MORC3: variants seen among roughly 807,000 people sequenced by gnomAD.
MORC3 encodes the protein MORC family CW-type zinc finger 3.
Under a neutral mutation model 109.1 loss-of-function variants are expected in MORC3, and 31 were observed. The observed-to-expected ratio is 0.28, with a 90% CI of 0.21 to 0.38. MORC3 has a LOEUF of 0.38. Ranked by LOEUF, MORC3 falls within the 10% of genes least tolerant of loss-of-function variation. The pLI is 1.00. For synonymous variants in MORC3, 395 were observed against 380.7 expected (o/e 1.04, Z -0.44); for missense variants, 867 against 1,135.8 (o/e 0.76, Z 3.40).
At chr21:36,362,524 CAGA>C (rs1294087441) in intron 13 of MORC3, among the ~76,000 whole-genome samples, 1 of 152,048 alleles carries the variant, frequency 6.6e-6, no homozygotes, top group Non-Finnish European at 1.5e-5. Context: ...GTCTGGGCCA[CAGA>C]GCGAGACTTC....
rs1274628935 is a variant in MORC3 at position 36,364,115 on chromosome 21, G to T, written c.1475G>T (p.Arg492Leu). ...CAGATTAATGCTGAACTGTTGTTTC[G>T]GCCAACTGCTCTTTCAACTCCAAGC... ...IPRINAELLF[R>L]PTALSTPSFS... The change falls in exon 14 of 17, where the codon CGG becomes CTG. Residue 492 changes from arginine to leucine, a missense_variant. Coordinates refer to ENST00000400485, the MANE Select transcript of MORC3 (RefSeq NM_015358.3). 1 of 1,613,856 alleles carries T rather than the reference G, an allele frequency of 6.2e-7. No homozygotes were observed. Among genetic ancestry groups the T allele is most frequent in the Non-Finnish European group, 8.5e-7 (1 of 1,179,952 alleles).
chr21:36,361,258 A>G (rs968627990), intron 12 of MORC3, among the ~76,000 whole-genome samples: 1 of 151,710 alleles, frequency 6.6e-6, no homozygotes, highest in East Asian at 1.9e-4. Flanking sequence ...ATAGAAACCT[A>G]TGTGGGCTGG....
At chr21:36,336,329 GC>G (rs1175906766) in intron 2 of MORC3, among the ~76,000 whole-genome samples, 2 of 152,072 alleles carry the variant, frequency 1.3e-5, no homozygotes, top group Non-Finnish European at 2.9e-5. Context: ...TGCAACCTCT[GC>G]CTCCCAGGCT....
intron 15 of MORC3, among the ~76,000 whole-genome samples, chr21:36,370,669 T>A (rs71330674): frequency 2.4e-5 from 2 of 82,478 alleles, no homozygotes; most frequent in African/African-American, 7.3e-5. Flanking sequence ...TTTTTTTTTT[T>A]TTCTTCTTCT....
intron 1 of MORC3, among the ~76,000 whole-genome samples, chr21:36,321,641 A>G (rs775788992): frequency 6.6e-6 from 1 of 151,174 alleles, no homozygotes; most frequent in Non-Finnish European, 1.5e-5. Flanking sequence ...AGCTTAAGGT[A>G]TTGTAAAGTC....
Position 36,338,765 on chromosome 21 carries a change from A to G in MORC3, c.461-9A>G, listed in dbSNP as rs1289413490. ...TGTTGTCAATCTGAGTCTTTAACTT[A>G]TGATATACGACAGATGATTAATTTA... On this transcript the variant is annotated splice_polypyrimidine_tract_variant and intron_variant, in intron 4 of 16. Transcript: ENST00000400485. 5.6e-6 allele frequency: 9 copies of G among 1,601,386 alleles called. No individual in the cohort carries two copies. In the African/African-American group the frequency reaches 6.7e-5, roughly 12 times the overall value.
At position 36,341,447 on chromosome 21, in the gene MORC3, C is replaced by A. The variant is rs1489581590; in HGVS notation, c.657C>A (p.Ile219=). The change falls in exon 6 of 17, where the codon ATC becomes ATA. Residue 219 remains isoleucine (I), a synonymous_variant. Transcript: ENST00000400485. The part of the protein sequence containing the change: ...EFDFEKDKYD[I]RIPEDLDEIT... ...ATTTTGAAAAGGATAAATATGATAT[C>A]AGAATTCCCGAGGATTTAGATGAGA... is the stretch of plus-strand genomic sequence containing the variant. 3.1e-6 allele frequency: 5 copies of A among 1,612,786 alleles called. No homozygotes were observed. Among genetic ancestry groups the A allele is most frequent in the Non-Finnish European group, 4.2e-6 (5 of 1,179,724 alleles).
chr21:36,351,862 A>G (rs1233837518), intron 9 of MORC3, among the ~76,000 whole-genome samples: 2 of 152,194 alleles, frequency 1.3e-5, no homozygotes, highest in African/African-American at 4.8e-5. Flanking sequence ...GAAAATCAGT[A>G]TATTTGAAGA....
At chr21:36,351,481 C>T (rs1422606762) in intron 9 of MORC3, among the ~76,000 whole-genome samples, 1 of 152,128 alleles carries the variant, frequency 6.6e-6, no homozygotes, top group Non-Finnish European at 1.5e-5. Context: ...GTCCCATGTC[C>T]TGAGGGCAGT....
At chr21:36,357,053 T>C (rs1042337019) in intron 10 of MORC3, among the ~76,000 whole-genome samples, 5 of 152,244 alleles carry the variant, frequency 3.3e-5, no homozygotes, top group Admixed American at 3.3e-4. Context: ...CTTGAGTTCA[T>C]ATTCTCATTC....
intron 2 of MORC3, among the ~76,000 whole-genome samples, chr21:36,336,221 A>G (rs1323991808): frequency 6.7e-6 from 1 of 148,570 alleles, no homozygotes; most frequent in Non-Finnish European, 1.5e-5. Context: ...GTAAGTCACC[A>G]TGGTCAGCTT....
At chr21:36,348,895 C>A (rs554216559) in intron 8 of MORC3, among the ~76,000 whole-genome samples, 2 of 152,180 alleles carry the variant, frequency 1.3e-5, no homozygotes, top group African/African-American at 4.8e-5. Flanking sequence ...CGCGGTGGCT[C>A]ATGCCTGTAA....
intron 9 of MORC3, among the ~76,000 whole-genome samples, chr21:36,351,594 C>T (rs952996360): frequency 2.6e-5 from 4 of 152,110 alleles, no homozygotes; most frequent in Admixed American, 2.6e-4. Flanking sequence ...CCATTTATAT[C>T]CATGTCATTA....
chr21:36,344,798 C>T, intron 7 of MORC3, 91 bp downstream of exon 7: 1 of 1,585,180 alleles, frequency 6.3e-7, no homozygotes, highest in Non-Finnish European at 8.6e-7. Flanking sequence ...GGATTCTAGT[C>T]TGCTCTAGCT....
At position 36,375,171 on chromosome 21, in the gene MORC3, G is replaced by A. The variant is rs1007349133; in HGVS notation, c.2695G>A (p.Val899Ile). 9.3e-6 allele frequency: 15 copies of A among 1,613,474 alleles called. No homozygotes were observed. The highest frequency in any genetic ancestry group is 1.6e-4 in the Middle Eastern group (1 of 6,084). ...CAAACTCCGATCTCTTCGAGTTAAC[G>A]TAGGACAACTGCTGGCTATGATTGT... ...SLKLRSLRVN[V>I]GQLLAMIVPD... is the part of the protein sequence containing the mutation. The change falls in exon 17 of 17, where the codon GTA becomes ATA. Residue 899 changes from valine to isoleucine, a missense_variant. Coordinates refer to ENST00000400485, the MANE Select transcript of MORC3 (RefSeq NM_015358.3).
rs1601541526 is a variant in MORC3 at position 36,369,066 on chromosome 21, A to C, written c.1698A>C (p.Ser566=). The C allele has an allele frequency of 6.2e-7, 1 of 1,614,094 alleles. No individual in the cohort carries two copies. The highest frequency in any genetic ancestry group is 2.2e-5 in the East Asian group (1 of 44,890). Residue 566 remains serine, a synonymous_variant, in exon 15 of 17, where the codon TCA becomes TCC. Transcript: ENST00000400485. The part of the protein sequence containing the change: ...NRRLSSQFEN[S]VYKGDDDDED... ...GATTGAGTAGTCAGTTTGAAAATTC[A>C]GTTTATAAAGGTGATGATGATGATG...
At chr21:36,343,434 C>G (rs1424405701) in intron 6 of MORC3, among the ~76,000 whole-genome samples, 1 of 143,962 alleles carries the variant, frequency 6.9e-6, no homozygotes, top group Non-Finnish European at 1.5e-5. Flanking sequence ...ACATGTGATA[C>G]TAACTTTTTG....
intron 2 of MORC3, among the ~76,000 whole-genome samples, chr21:36,334,700 A>G (rs2085355441): frequency 6.6e-6 from 1 of 152,204 alleles, no homozygotes; most frequent in East Asian, 1.9e-4. Context: ...GATATGTAAT[A>G]AGTTCTTGCT....
chr21:36,331,162 A>G (rs1185586444), intron 1 of MORC3, among the ~76,000 whole-genome samples: 1 of 152,232 alleles, frequency 6.6e-6, no homozygotes, highest in African/African-American at 2.4e-5. Context: ...CAGTCTAATC[A>G]TATTTTTAGG....
Sources: allele counts gnomAD v4.1 joint callset (sites outside exome capture counted in the v4.1 genomes callset), GRCh38; gene constraint gnomAD v4.1.1; transcripts MANE v1.5; gene names NCBI Gene and HGNC (gene_info 2026-07-23, HGNC 2026-07-21).